KLF12: variants seen among roughly 807,000 people sequenced by gnomAD.
The protein encoded by KLF12 is Krueppel-like factor 12.
In KLF12, 9 loss-of-function variants were observed where a neutral mutation model predicts 37.8. That is an observed-to-expected ratio of 0.24 (90% CI 0.14 to 0.42). The LOEUF (loss-of-function observed/expected upper bound fraction) is 0.42, where lower values mean the gene tolerates loss of function less well. Among genes scored for constraint, KLF12 ranks in the 10% least tolerant of loss-of-function variants. KLF12 has a pLI of 1.00. For synonymous variants in KLF12, 208 were observed against 202.1 expected (o/e 1.03, Z -0.25); for missense variants, 411 against 516.0 (o/e 0.80, Z 1.97).
At chr13:73,923,195 A>G (rs1353307883) in intron 3 of KLF12, among the ~76,000 whole-genome samples, 1 of 152,218 alleles carries the variant, frequency 6.6e-6, no homozygotes, top group East Asian at 1.9e-4. Context: ...AATGACTAAA[A>G]TGTGAACTAC....
At chr13:74,059,550 C>T (rs1029654920) in intron 1 of KLF12, among the ~76,000 whole-genome samples, 3 of 152,130 alleles carry the variant, frequency 2.0e-5, no homozygotes, top group African/African-American at 2.4e-5. Context: ...TGATGTTGAG[C>T]ATTTCTTCAT....
chr13:73,961,862 T>C (rs985342722), intron 2 of KLF12: 6 of 375,664 alleles, frequency 1.6e-5, no homozygotes, highest in African/African-American at 8.5e-5. Context: ...TAGGGGAGGA[T>C]GTGGAGCAAC....
chr13:74,299,597 AT>A, the KLF12 span, among the ~76,000 whole-genome samples: 2 of 152,184 alleles, frequency 1.3e-5, no homozygotes, highest in African/African-American at 4.8e-5. Context: ...ACATCTCTTA[AT>A]ACTTTCCCCC....
the KLF12 span, among the ~76,000 whole-genome samples, chr13:74,229,384 T>C: frequency 6.6e-6 from 1 of 152,286 alleles, no homozygotes; most frequent in South Asian, 2.1e-4. Flanking sequence ...TTATTCGTGG[T>C]TTTGAACATG....
At chr13:74,287,418 C>A in the KLF12 span, among the ~76,000 whole-genome samples, 1 of 143,054 alleles carries the variant, frequency 7.0e-6, no homozygotes, top group Non-Finnish European at 1.5e-5. Context: ...CCACCCCCAA[C>A]CCCAGCCCCA....
Position 73,958,921 on chromosome 13 carries a change from G to A in KLF12, c.34-14851C>T, listed in dbSNP as rs141476413. 2.1e-3 allele frequency among the ~76,000 whole-genome samples: 316 copies of A among 152,058 alleles called. 2 individuals carry two copies. Among genetic ancestry groups the A allele is most frequent in the African/African-American group, 7.0e-3 (290 of 41,452 alleles). ...GTGTGCCCCAACTGGAAAACACGAA[G>A]GTGATCTCATCTGCTAGGCAGACTT... is the stretch of plus-strand genomic sequence containing the variant. On this transcript the variant is annotated intron_variant, in intron 2 of 7. Coordinates refer to ENST00000377669, the MANE Select transcript of KLF12 (RefSeq NM_007249.5).
chr13:74,283,624 G>T, the KLF12 span, among the ~76,000 whole-genome samples: 111 of 152,246 alleles, frequency 7.3e-4, no homozygotes, highest in Middle Eastern at 6.8e-3. Flanking sequence ...AATTGGGGCT[G>T]TATTTAGAAT....
chr13:73,907,204 T>C (rs1293222767), intron 3 of KLF12, among the ~76,000 whole-genome samples: 1 of 152,200 alleles, frequency 6.6e-6, no homozygotes, highest in African/African-American at 2.4e-5. Context: ...AAATATATGA[T>C]GGCTCTTTAT....
intron 5 of KLF12, among the ~76,000 whole-genome samples, chr13:73,767,683 C>G (rs1161312310): frequency 1.3e-5 from 2 of 152,082 alleles, no homozygotes; most frequent in Non-Finnish European, 2.9e-5. Context: ...GAGCAGAGAG[C>G]ATGTTTATAA....
chr13:74,143,212 C>A, the KLF12 span, among the ~76,000 whole-genome samples: 13 of 152,016 alleles, frequency 8.6e-5, no homozygotes, highest in Admixed American at 8.5e-4. Context: ...TACTCTCTCT[C>A]TCTCTCCATT....
the KLF12 span, among the ~76,000 whole-genome samples, chr13:74,266,975 AAT>A: frequency 6.6e-6 from 1 of 152,160 alleles, no homozygotes; most frequent in African/African-American, 2.4e-5. Context: ...AGAGTGGAAA[AAT>A]ATTAGTGTAC....
chr13:73,825,166 G>A (rs1457916619), intron 4 of KLF12, among the ~76,000 whole-genome samples: 1 of 143,788 alleles, frequency 7.0e-6, no homozygotes, highest in African/African-American at 2.6e-5. Flanking sequence ...TCCTGCCCCT[G>A]TTATGATAAA....
At chr13:73,908,103 T>C (rs1446399986) in intron 3 of KLF12, among the ~76,000 whole-genome samples, 1 of 151,978 alleles carries the variant, frequency 6.6e-6, no homozygotes. Context: ...AGCATCTAAT[T>C]AAAATATTAA....
the KLF12 span, among the ~76,000 whole-genome samples, chr13:74,210,088 A>G: frequency 3.3e-5 from 5 of 152,182 alleles, no homozygotes; most frequent in Non-Finnish European, 5.9e-5. Flanking sequence ...TAAAACAGAT[A>G]CCTGGCAAAA....
chr13:74,072,538 G>C (rs1874334058), intron 1 of KLF12, among the ~76,000 whole-genome samples: 1 of 151,514 alleles, frequency 6.6e-6, no homozygotes, highest in Non-Finnish European at 1.5e-5. Flanking sequence ...AGGAGTTCAA[G>C]ACCAGCCAAA....
the KLF12 span, among the ~76,000 whole-genome samples, chr13:74,202,776 T>C: frequency 6.6e-6 from 1 of 152,136 alleles, no homozygotes; most frequent in South Asian, 2.1e-4. Flanking sequence ...TTTTATGAGT[T>C]AGGCAACCTC....
chr13:73,866,173 T>C (rs895445255), intron 3 of KLF12, among the ~76,000 whole-genome samples: 5 of 152,154 alleles, frequency 3.3e-5, no homozygotes, highest in Non-Finnish European at 1.5e-5. Context: ...GAGAATCTCT[T>C]GAACCTGGAA....
At chr13:73,708,905 T>A (rs1213770640) in intron 7 of KLF12, among the ~76,000 whole-genome samples, 1 of 152,216 alleles carries the variant, frequency 6.6e-6, no homozygotes, top group Non-Finnish European at 1.5e-5. Context: ...GTAAACTGCT[T>A]CATGTACAGA....
At chr13:74,260,473 G>A in the KLF12 span, among the ~76,000 whole-genome samples, 1 of 151,614 alleles carries the variant, frequency 6.6e-6, no homozygotes. Context: ...AGGATCGCCT[G>A]AGTCCAGGAG....
Sources: gnomAD v4.1 joint callset for allele counts (sites outside exome capture counted in the v4.1 genomes callset) on GRCh38, gnomAD v4.1.1 for gene constraint, MANE v1.5 for transcripts, NCBI Gene and HGNC (gene_info 2026-07-23, HGNC 2026-07-21) for gene names.